DOCK6: variants seen among roughly 807,000 people sequenced by gnomAD.
DOCK6 encodes dedicator of cytokinesis protein 6.
In DOCK6, 167 loss-of-function variants were observed where a neutral mutation model predicts 230.3. The ratio of observed to expected loss-of-function variants is 0.73; its 90% CI spans 0.64 to 0.82. The LOEUF (loss-of-function observed/expected upper bound fraction) is 0.82, where lower values mean the gene tolerates loss of function less well. DOCK6 is among the 40% of genes least tolerant of loss of function. DOCK6 has a pLI of 0.00. For synonymous variants in DOCK6, 1,148 were observed against 1,185.0 expected (o/e 0.97, Z 0.64); for missense variants, 2,598 against 2,825.8 (o/e 0.92, Z 1.83).
At position 11,201,844 on chromosome 19, in the gene DOCK6, T is replaced by A. The variant is rs376156004; in HGVS notation, c.5688+45A>T. ...TCCCCTCCCCTCCCAGGGTCTGATG[T>A]CCCCTCACCTCCCCACCCCCGCCAG... is the stretch of plus-strand genomic sequence containing the variant. On this transcript the variant is annotated intron_variant, in intron 44 of 47. Coordinates refer to ENST00000294618, the MANE Select transcript of DOCK6 (RefSeq NM_020812.4). This position sits in a 1 kb window ranked among gnomAD's most constrained non-coding sequence, Gnocchi z 4.3. The A allele has an allele frequency of 1.2e-5, 16 of 1,372,568 alleles. No individual in the cohort carries two copies. In the African/African-American group the frequency reaches 2.3e-4, roughly 20 times the overall value. 85.0% of individuals were successfully genotyped at this position (1,372,568 alleles called of 1,614,324 possible).
At chr19:11,214,713 C>G (rs548550530) in intron 32 of DOCK6, 64 bp from the exon 33 acceptor site, 16 of 1,501,078 alleles carry the variant, frequency 1.1e-5, no homozygotes, top group Non-Finnish European at 1.5e-5. Context: ...TGGCTGAGCT[C>G]TCTCCTTCCC....
In DOCK6 at chr19:11,200,249, C is replaced by T; in HGVS notation, c.6101+59G>A. 3 of 1,519,294 alleles carry T rather than the reference C, an allele frequency of 2.0e-6. No homozygotes were observed. Among genetic ancestry groups the T allele is most frequent in the Non-Finnish European group, 2.7e-6 (3 of 1,128,452 alleles). 94.1% of individuals were successfully genotyped at this position (1,519,294 alleles called of 1,614,324 possible). ...ACAACAGCCCCCATCCTGTACCTGT[C>T]CTGGTCTGCCTCTGCATCCCCTCTC... On this transcript the variant is annotated intron_variant, in intron 47 of 47. Coordinates refer to ENST00000294618, the MANE Select transcript of DOCK6 (RefSeq NM_020812.4). The surrounding 1 kb of genome is among the most constrained non-coding windows in gnomAD (Gnocchi z 4.3).
rs1284569437 is a variant in DOCK6 at position 11,236,044 on chromosome 19, C to A, written c.2393-285G>T. The A allele has an allele frequency of 1.2e-5, 6 of 494,382 alleles. No individual in the cohort carries two copies. The highest frequency in any genetic ancestry group is 2.1e-5 in the Non-Finnish European group (6 of 282,830). The allele number at this position is 494,382 out of a possible 1,614,324, so 30.6% of individuals were successfully genotyped here. ...TACAGGCATGCGCCACCACGCCCAG[C>A]TAATTTTGTATTTTTAGTAGAGAAG... is the stretch of plus-strand genomic sequence containing the variant. On this transcript the variant is annotated intron_variant, in intron 20 of 47. Coordinates refer to ENST00000294618, the MANE Select transcript of DOCK6 (RefSeq NM_020812.4). This position sits in a 1 kb window ranked among gnomAD's most constrained non-coding sequence, Gnocchi z 5.2.
At position 11,235,531 on chromosome 19, in the gene DOCK6, G is replaced by T. The variant is rs978645608; in HGVS notation, c.2554+67C>A. 2.8e-6 allele frequency: 4 copies of T among 1,453,950 alleles called. No homozygotes were observed. The African/African-American group carries it at 4.2e-5, about 15-fold the overall frequency. 90.1% of individuals were successfully genotyped at this position (1,453,950 alleles called of 1,614,324 possible). A position where few individuals can be genotyped will look rare whatever the true frequency, so the allele number is the denominator to read the frequency against. On this transcript the variant is annotated intron_variant, in intron 21 of 47. Transcript: ENST00000294618. ...CTCCCAAAGTCCTGGGATTACAGGC[G>T]TGAGCCACCGCACCCAGCCTCTTCT...
intron 20 of DOCK6, 64 bp from the exon 21 acceptor site, chr19:11,235,823 C>G: frequency 6.6e-7 from 1 of 1,513,406 alleles, no homozygotes; most frequent in Non-Finnish European, 8.9e-7. Context: ...GCCCACTTTC[C>G]AAATATAAAG....
chr19:11,228,641 G>A (rs191072121), intron 23 of DOCK6, among the ~76,000 whole-genome samples: 1 of 149,104 alleles, frequency 6.7e-6, no homozygotes, highest in East Asian at 2.0e-4. Flanking sequence ...CTCACTGCAA[G>A]CTCCTCCTCC....
intron 37 of DOCK6, 88 bp downstream of exon 37, chr19:11,211,688 A>C (rs1600863925): frequency 1.9e-6 from 2 of 1,068,844 alleles, no homozygotes; most frequent in Non-Finnish European, 1.4e-6. Context: ...CTCCCTCCTC[A>C]CCTCCTTAGA....
intron 14 of DOCK6, chr19:11,239,594 A>C: frequency 6.2e-7 from 1 of 1,607,556 alleles, no homozygotes; most frequent in Non-Finnish European, 8.5e-7. Flanking sequence ...GAGGCATAAA[A>C]GGCTTCAGTG....
At position 11,242,158 on chromosome 19, in the gene DOCK6, G is replaced by A. The variant is rs2079957062; in HGVS notation, c.1530C>T (p.Cys510=). ...ISPAPENPHF[C]LSPELLHIKP... ...TGATATGAAGCAGCTCAGGGGAGAGGCAGAAGTGGGGATTTTCAGGAGCCG... is the reference window on the plus strand; with the variant it reads ...TGATATGAAGCAGCTCAGGGGAGAGACAGAAGTGGGGATTTTCAGGAGCCG... Residue 510 remains cysteine (C), a synonymous_variant, in exon 14 of 48, where the codon TGC becomes TGT. Coordinates refer to ENST00000294618, the MANE Select transcript of DOCK6 (RefSeq NM_020812.4). The A allele has an allele frequency of 4.8e-6, 7 of 1,466,546 alleles. No homozygotes were observed. The South Asian group carries it at 6.3e-5, about 13-fold the overall frequency. 90.8% of individuals were successfully genotyped at this position (1,466,546 alleles called of 1,614,324 possible).
Position 11,202,244 on chromosome 19 carries a change from T to G in DOCK6, c.5452-119A>C. 3 of 1,383,358 alleles carry G rather than the reference T, an allele frequency of 2.2e-6. 1 individual carries two copies. In the South Asian group the frequency reaches 3.9e-5, roughly 18 times the overall value. The allele number at this position is 1,383,358 out of a possible 1,614,324, so 85.7% of individuals were successfully genotyped here. A position where few individuals can be genotyped will look rare whatever the true frequency, so the allele number is the denominator to read the frequency against. ...TTCCAAGTCTTCCTATGTCTGGATG[T>G]TTGGGAATCCCCTGAGGAATAGGTT... On this transcript the variant is annotated intron_variant, in intron 43 of 47. Coordinates refer to ENST00000294618, the MANE Select transcript of DOCK6 (RefSeq NM_020812.4). This position sits in a 1 kb window ranked among gnomAD's most constrained non-coding sequence, Gnocchi z 5.3.
intron 14 of DOCK6, among the ~76,000 whole-genome samples, chr19:11,240,554 C>T (rs552827030): frequency 6.0e-5 from 9 of 151,126 alleles, no homozygotes; most frequent in Non-Finnish European, 1.0e-4. Context: ...CAGCATGGGG[C>T]GGGCACACAG....
chr19:11,207,098 G>A (rs1171634157), intron 39 of DOCK6, among the ~76,000 whole-genome samples: 1 of 152,192 alleles, frequency 6.6e-6, no homozygotes, highest in African/African-American at 2.4e-5. Context: ...TTCCCAAAGT[G>A]CTGGGATTAC....
chr19:11,254,368 C>T (rs2080167552), intron 1 of DOCK6, among the ~76,000 whole-genome samples: 1 of 152,204 alleles, frequency 6.6e-6, no homozygotes, highest in Non-Finnish European at 1.5e-5. Flanking sequence ...TGGGGCCTTC[C>T]TGGGCCACCT....
At position 11,202,679 on chromosome 19, in the gene DOCK6, A is replaced by G; in HGVS notation, c.5266T>C (p.Phe1756Leu). ...AGGTCACCGAAGTGGGCGCCGTAGA[A>G]GCCCACGCGGAAATACGTCCCGAAC... ...RVFGTYFRVG[F>L]YGAHFGDLDE... The change falls in exon 42 of 48, where the codon TTC becomes CTC. Residue 1756 changes from phenylalanine (F) to leucine (L), a missense_variant. Phe to Leu is a conservative substitution (Grantham distance 22). Coordinates refer to ENST00000294618, the MANE Select transcript of DOCK6 (RefSeq NM_020812.4). This position sits in a 1 kb window ranked among gnomAD's most constrained non-coding sequence, Gnocchi z 5.3. The G allele has an allele frequency of 6.2e-7, 1 of 1,613,978 alleles. No homozygotes were observed. Among genetic ancestry groups the G allele is most frequent in the Non-Finnish European group, 8.5e-7 (1 of 1,179,888 alleles).
chr19:11,222,425 G>C lies in DOCK6; in HGVS notation c.3241-177C>G, dbSNP rs2079595322. ...ATGGGTTTCAAGGCCAGAAGTGAGG[G>C]GCTGACGTTAACCCATCTGTGATGT... On this transcript the variant is annotated intron_variant, in intron 26 of 47. Transcript: ENST00000294618. The surrounding 1 kb of genome is among the most constrained non-coding windows in gnomAD (Gnocchi z 4.0). The C allele has an allele frequency of 1.1e-6, 1 of 900,950 alleles. No individual in the cohort carries two copies. The highest frequency in any genetic ancestry group is 1.6e-6 in the Non-Finnish European group (1 of 608,662). The allele number at this position is 900,950 out of a possible 1,614,324, so 55.8% of individuals were successfully genotyped here.
chr19:11,211,914 T>G (rs781018362), intron 36 of DOCK6, 38 bp from the exon 37 acceptor site: 17 of 1,560,930 alleles, frequency 1.1e-5, no homozygotes, highest in Non-Finnish European at 1.1e-5. Context: ...ATGAGAGCAT[T>G]AGGAAGTGAA....
At chr19:11,210,500 A>C (rs1448532992) in intron 37 of DOCK6, among the ~76,000 whole-genome samples, 13 of 70,728 alleles carry the variant, frequency 1.8e-4, no homozygotes, top group South Asian at 4.6e-4. Context: ...CTATCCCCTC[A>C]CCTGTCCACC....
chr19:11,258,426 C>T (rs1226503640), intron 1 of DOCK6, among the ~76,000 whole-genome samples: 1 of 151,594 alleles, frequency 6.6e-6, no homozygotes, highest in Non-Finnish European at 1.5e-5. Context: ...ACTTTTCTTT[C>T]TCTCTCTCTC....
intron 5 of DOCK6, 89 bp from the exon 6 acceptor site, chr19:11,251,175 G>T: frequency 7.4e-7 from 1 of 1,343,440 alleles, no homozygotes; most frequent in Non-Finnish European, 1.0e-6. Context: ...TCATTCTAGA[G>T]ATGGGGAAAT....
Sources: gnomAD v4.1 joint callset for allele counts (sites outside exome capture counted in the v4.1 genomes callset) on GRCh38, gnomAD v4.1.1 for gene constraint, Gnocchi (gnomAD v3.1) non-coding constraint, MANE v1.5 for transcripts, NCBI Gene and HGNC (gene_info 2026-07-23, HGNC 2026-07-21) for gene names.